The following GAB1 variants were observed in gnomAD, a reference collection of about 807,000 sequenced individuals.
The protein encoded by GAB1 is GRB2-associated-binding protein 1.
Under a neutral mutation model 66.5 loss-of-function variants are expected in GAB1, and 19 were observed. That is an observed-to-expected ratio of 0.29 (90% CI 0.20 to 0.42). The LOEUF is 0.42. Among genes scored for constraint, GAB1 ranks in the 10% least tolerant of loss-of-function variants. The pLI, the probability that GAB1 is intolerant of heterozygous loss-of-function variation, is 1.00. For missense variants in GAB1, 732 were observed against 858.5 expected, an observed-to-expected ratio of 0.85 and a Z score of 1.84; for synonymous variants, 294 against 301.4, an observed-to-expected ratio of 0.98 and a Z score of 0.25.
intron 1 of GAB1, among the ~76,000 whole-genome samples, chr4:143,410,042 C>A (rs1186628256): frequency 1.3e-5 from 2 of 151,826 alleles, no homozygotes; most frequent in Non-Finnish European, 2.9e-5. Flanking sequence ...TAAGGTGAAA[C>A]CCCAAGCTTT....
chr4:143,468,208 C>CTTTTTTTTTTTT (rs780138131), intron 9 of GAB1, among the ~76,000 whole-genome samples: 2 of 70,068 alleles, frequency 2.9e-5, no homozygotes, highest in Non-Finnish European at 5.2e-5. Context: ...AGTTTGAATT[C>CTTTTTTTTTTTT]TTTTTTTTTT....
At chr4:143,386,950 A>G (rs73853831) in intron 1 of GAB1, among the ~76,000 whole-genome samples, 5,747 of 152,222 alleles carry the variant, frequency 0.038, 366 homozygotes, top group African/African-American at 0.13. Context: ...GTTGATGTCT[A>G]CTGTAGACAA....
At chr4:143,433,754 C>A in intron 3 of GAB1, 38 bp downstream of exon 3, 1 of 1,479,612 alleles carries the variant, frequency 6.8e-7, no homozygotes, top group Non-Finnish European at 9.4e-7. Context: ...GAGACAGAGG[C>A]GTGTGTATGT....
chr4:143,433,853 G>T (rs938958771), intron 3 of GAB1, 137 bp downstream of exon 3: 1 of 706,348 alleles, frequency 1.4e-6, no homozygotes. Context: ...TATGTTTCAG[G>T]CTTTATATTT....
chr4:143,431,774 G>A (rs1434054564), intron 2 of GAB1, among the ~76,000 whole-genome samples: 2 of 152,120 alleles, frequency 1.3e-5, no homozygotes, highest in Admixed American at 6.5e-5. Flanking sequence ...ACAAGATGGA[G>A]GCCTGCAGCA....
intron 1 of GAB1, among the ~76,000 whole-genome samples, chr4:143,405,109 T>G (rs1731973829): frequency 6.6e-6 from 1 of 152,214 alleles, no homozygotes; most frequent in African/African-American, 2.4e-5. Flanking sequence ...AAATGGACAT[T>G]GACATTATAC....
intron 1 of GAB1, among the ~76,000 whole-genome samples, chr4:143,389,421 T>C (rs890300536): frequency 6.6e-6 from 1 of 152,206 alleles, no homozygotes; most frequent in Non-Finnish European, 1.5e-5. Flanking sequence ...AGGAAAGATA[T>C]TAAGTAGGCA....
chr4:143,415,585 G>A lies in GAB1; in HGVS notation c.181G>A (p.Asp61Asn), dbSNP rs774242118. 1 of 1,613,656 alleles carries A rather than the reference G, an allele frequency of 6.2e-7. No individual in the cohort carries two copies. The highest frequency in any genetic ancestry group is 1.1e-5 in the South Asian group (1 of 91,060). The change falls in exon 2 of 10, where the codon GAT becomes AAT. Residue 61 changes from aspartate (D) to asparagine (N), a missense_variant. Asp to Asn is a conservative substitution (Grantham distance 23). This residue lies in a region of GAB1 where 66 missense variants were observed against 130.3 expected (regional missense o/e 0.51). Transcript: ENST00000262994. The part of the protein sequence containing the change: ...DHAKKPIRII[D>N]LNLCQQVDAG... The stretch of plus-strand genomic sequence containing the variant: ...TGCCAAGAAGCCTATTCGTATTATT[G>A]ATTTAAATTTATGTCAACAAGTAGA...
At position 143,469,105 on chromosome 4, in the gene GAB1, C is replaced by G; in HGVS notation, c.2001C>G (p.Thr667=). ...ATGTTGTTGTTGACCAACAGAAGACCTTGGCTCTAAAGAGTACCCGGGAAG... is the reference window on the plus strand; with the variant it reads ...ATGTTGTTGTTGACCAACAGAAGACGTTGGCTCTAAAGAGTACCCGGGAAG... ...VDYVVVDQQK[T]LALKSTREAW... Residue 667 remains threonine (T), a synonymous_variant, in exon 10 of 10, where the codon ACC becomes ACG. Coordinates refer to ENST00000262994, the MANE Select transcript of GAB1 (RefSeq NM_002039.4). The G allele has an allele frequency of 6.2e-7, 1 of 1,614,092 alleles. No homozygotes were observed. Among genetic ancestry groups the G allele is most frequent in the Non-Finnish European group, 8.5e-7 (1 of 1,179,966 alleles).
At chr4:143,401,429 C>T (rs1578658396) in intron 1 of GAB1, among the ~76,000 whole-genome samples, 1 of 152,102 alleles carries the variant, frequency 6.6e-6, no homozygotes, top group East Asian at 1.9e-4. Context: ...CATTCTGTAC[C>T]AGATTGGGCA....
intron 2 of GAB1, among the ~76,000 whole-genome samples, chr4:143,428,911 T>G (rs1212993381): frequency 6.8e-6 from 1 of 147,776 alleles, no homozygotes; most frequent in African/African-American, 2.5e-5. Context: ...GATGAGTTAA[T>G]GGTGCAGCAC....
chr4:143,403,360 A>G (rs1490320860), intron 1 of GAB1, among the ~76,000 whole-genome samples: 3 of 152,146 alleles, frequency 2.0e-5, no homozygotes, highest in Non-Finnish European at 4.4e-5. Flanking sequence ...CATTGTATCT[A>G]TTTCCTGTTG....
At chr4:143,350,414 C>T (rs1158911240) in intron 1 of GAB1, among the ~76,000 whole-genome samples, 1 of 152,140 alleles carries the variant, frequency 6.6e-6, no homozygotes, top group Admixed American at 6.5e-5. Context: ...CGCAGTGGCT[C>T]ACCCCTGTAA....
At chr4:143,343,043 G>A (rs1366800836) in intron 1 of GAB1, among the ~76,000 whole-genome samples, 2 of 152,122 alleles carry the variant, frequency 1.3e-5, no homozygotes, top group African/African-American at 4.8e-5. Context: ...TGCTATAGTG[G>A]AAGGAAACTC....
At chr4:143,403,474 A>G (rs1308630792) in intron 1 of GAB1, among the ~76,000 whole-genome samples, 1 of 152,194 alleles carries the variant, frequency 6.6e-6, no homozygotes, top group African/African-American at 2.4e-5. Flanking sequence ...AATGGGCAAG[A>G]TGGCACTTGG....
chr4:143,389,531 A>G (rs1353037488), intron 1 of GAB1, among the ~76,000 whole-genome samples: 1 of 152,190 alleles, frequency 6.6e-6, no homozygotes, highest in African/African-American at 2.4e-5. Context: ...TGTCTAAGAG[A>G]TAAGGAGGGA....
intron 1 of GAB1, among the ~76,000 whole-genome samples, chr4:143,351,493 G>A (rs866624478): frequency 6.6e-6 from 1 of 152,146 alleles, no homozygotes; most frequent in African/African-American, 2.4e-5. Flanking sequence ...GCCACCTAGG[G>A]TCTGGGGGGT....
At chr4:143,380,199 C>T (rs941050565) in intron 1 of GAB1, among the ~76,000 whole-genome samples, 12 of 151,388 alleles carry the variant, frequency 7.9e-5, no homozygotes, top group Admixed American at 3.3e-4. Context: ...ATCTTGAAAC[C>T]CTGTTATTTT....
intron 2 of GAB1, chr4:143,417,606 A>G (rs1262103403): frequency 1.7e-5 from 3 of 177,142 alleles, no homozygotes; most frequent in South Asian, 2.1e-4. Context: ...ATGGGGTTTC[A>G]CCACGTTGGC....
Sources: allele counts gnomAD v4.1 joint callset (sites outside exome capture counted in the v4.1 genomes callset), GRCh38; gene constraint gnomAD v4.1.1; regional missense constraint gnomAD v4.1.1; transcripts MANE v1.5; gene names NCBI Gene and HGNC (gene_info 2026-07-23, HGNC 2026-07-21).